Variants in REDIC1 observed in about 807,000 individuals in gnomAD.
REDIC1 encodes the protein regulator of DNA class I crossover intermediates 1.
At chr12:39,764,790 T>C in the REDIC1 span, 1 of 1,612,458 alleles carries the variant, frequency 6.2e-7, no homozygotes, top group Non-Finnish European at 8.5e-7. Context: ...AGTCCAGGAG[T>C]ATGGAGTAGG....
the REDIC1 span, among the ~76,000 whole-genome samples, chr12:39,886,756 C>G: frequency 6.6e-6 from 1 of 151,896 alleles, no homozygotes; most frequent in African/African-American, 2.4e-5. Context: ...AATAGAGAAA[C>G]AAAAAGAATA....
chr12:39,879,229 C>A, the REDIC1 span, among the ~76,000 whole-genome samples: 3 of 152,240 alleles, frequency 2.0e-5, no homozygotes, highest in African/African-American at 4.8e-5. Flanking sequence ...TCACAGAGAA[C>A]CCCTACTAGG....
the REDIC1 span, among the ~76,000 whole-genome samples, chr12:39,825,538 G>T: frequency 6.6e-6 from 1 of 152,060 alleles, no homozygotes; most frequent in South Asian, 2.1e-4. Flanking sequence ...CTTCACAGAG[G>T]TTCGGAATTG....
chr12:39,647,839 A>C, the REDIC1 span: 6 of 1,606,042 alleles, frequency 3.7e-6, no homozygotes, highest in African/African-American at 1.3e-5. Flanking sequence ...AGTTCAGCAA[A>C]ATAGAGAACT....
the REDIC1 span, among the ~76,000 whole-genome samples, chr12:39,712,866 C>CGTATATACACATAT: frequency 2.4e-3 from 34 of 14,014 alleles, no homozygotes; most frequent in South Asian, 9.4e-3. Context: ...TGTATATACA[C>CGTATATACACATAT]GTATATACAC....
the REDIC1 span, among the ~76,000 whole-genome samples, chr12:39,712,866 C>CATAT: frequency 7.3e-3 from 102 of 14,014 alleles, no homozygotes; most frequent in Non-Finnish European, 0.035. Context: ...TGTATATACA[C>CATAT]GTATATACAC....
the REDIC1 span, among the ~76,000 whole-genome samples, chr12:39,715,340 T>G: frequency 6.6e-6 from 1 of 151,984 alleles, no homozygotes; most frequent in Non-Finnish European, 1.5e-5. Flanking sequence ...ACTTTATGTT[T>G]CGTTTCCTTC....
At chr12:39,656,263 C>T in the REDIC1 span, among the ~76,000 whole-genome samples, 1 of 152,260 alleles carries the variant, frequency 6.6e-6, no homozygotes, top group Middle Eastern at 3.4e-3. Context: ...AAAGCATATA[C>T]AGTTATGTGC....
chr12:39,704,314 T>A, the REDIC1 span, among the ~76,000 whole-genome samples: 1 of 151,794 alleles, frequency 6.6e-6, no homozygotes, highest in Non-Finnish European at 1.5e-5. Flanking sequence ...AAAAAACACA[T>A]GAAAAAATGC....
At chr12:39,758,467 T>G in the REDIC1 span, 1 of 151,916 alleles carries the variant, frequency 6.6e-6, no homozygotes, top group Non-Finnish European at 1.5e-5. Context: ...CATTTAAAAA[T>G]GCATCAAACT....
the REDIC1 span, among the ~76,000 whole-genome samples, chr12:39,746,856 G>A: frequency 6.6e-6 from 1 of 152,262 alleles, no homozygotes; most frequent in East Asian, 1.9e-4. Context: ...CAGACCTGCA[G>A]CTGAGGGTCC....
the REDIC1 span, among the ~76,000 whole-genome samples, chr12:39,820,858 T>C: frequency 1.2e-4 from 18 of 151,344 alleles, no homozygotes; most frequent in African/African-American, 4.4e-4. Context: ...CCTTTGTTTG[T>C]TCTTCATAAA....
the REDIC1 span, among the ~76,000 whole-genome samples, chr12:39,898,299 C>G: frequency 2.6e-5 from 4 of 152,070 alleles, no homozygotes; most frequent in Non-Finnish European, 5.9e-5. Flanking sequence ...TAAGACAAGC[C>G]TTATACACCC....
At chr12:39,651,788 T>C in the REDIC1 span, among the ~76,000 whole-genome samples, 1 of 152,304 alleles carries the variant, frequency 6.6e-6, no homozygotes, top group South Asian at 2.1e-4. Context: ...ATAATGAATT[T>C]ATGCACTTTG....
chr12:39,704,486 A>T, the REDIC1 span, among the ~76,000 whole-genome samples: 1 of 152,234 alleles, frequency 6.6e-6, no homozygotes, highest in Non-Finnish European at 1.5e-5. Flanking sequence ...ACTGTAAACT[A>T]GTTCAACCAT....
At chr12:39,707,113 A>G in the REDIC1 span, among the ~76,000 whole-genome samples, 5 of 151,996 alleles carry the variant, frequency 3.3e-5, no homozygotes, top group South Asian at 2.1e-4. Context: ...CAAATTACCT[A>G]TCTGGCAAGG....
At chr12:39,700,426 T>C in the REDIC1 span, among the ~76,000 whole-genome samples, 1 of 152,116 alleles carries the variant, frequency 6.6e-6, no homozygotes, top group East Asian at 1.9e-4. Context: ...CCAAGAAATA[T>C]GGGACTATGT....
the REDIC1 span, among the ~76,000 whole-genome samples, chr12:39,848,853 G>A: frequency 1.3e-5 from 2 of 152,242 alleles, no homozygotes; most frequent in East Asian, 1.9e-4. Context: ...AAAAAAGGAC[G>A]AGATCACATC....
the REDIC1 span, among the ~76,000 whole-genome samples, chr12:39,640,136 C>T: frequency 2.0e-5 from 3 of 151,090 alleles, no homozygotes; most frequent in Non-Finnish European, 4.4e-5. Flanking sequence ...AACATCCTGA[C>T]TCCCAAGGTG....
Sources: gnomAD v4.1 joint callset for allele counts (sites outside exome capture counted in the v4.1 genomes callset) on GRCh38, gnomAD v4.1.1 for gene constraint, MANE v1.5 for transcripts, NCBI Gene and HGNC (gene_info 2026-07-23, HGNC 2026-07-21) for gene names.